The following EDC3 variants were observed in gnomAD, a reference collection of about 807,000 sequenced individuals.
EDC3 encodes the protein enhancer of mRNA-decapping protein 3.
A neutral mutation model predicts 41.8 loss-of-function variants in EDC3; 20 were observed. The observed-to-expected ratio is 0.48, with a 90% confidence interval of 0.34 to 0.70. The LOEUF is 0.70. EDC3 is among the 30% of genes least tolerant of loss of function. The pLI is 0.01. For missense variants in EDC3, 444 were observed against 636.8 expected (o/e 0.70, Z 3.26); for synonymous variants, 206 against 243.2 (o/e 0.85, Z 1.42).
At chr15:74,633,166 A>AG (rs1441273572) in intron 6 of EDC3, among the ~76,000 whole-genome samples, 1 of 152,250 alleles carries the variant, frequency 6.6e-6, no homozygotes, top group Non-Finnish European at 1.5e-5. Context: ...TCAGCCCAGC[A>AG]GACCACTGCC....
chr15:74,683,395 C>T (rs906269453), intron 1 of EDC3, among the ~76,000 whole-genome samples: 4 of 151,614 alleles, frequency 2.6e-5, no homozygotes, highest in Non-Finnish European at 4.4e-5. Flanking sequence ...ATTAGCCCGG[C>T]GTGGTGGCAA....
At chr15:74,692,403 T>C (rs1026556613) in intron 1 of EDC3, among the ~76,000 whole-genome samples, 2 of 152,190 alleles carry the variant, frequency 1.3e-5, no homozygotes, top group East Asian at 1.9e-4. Flanking sequence ...CCCAGGCCCA[T>C]AGGACTTCAC....
intron 6 of EDC3, among the ~76,000 whole-genome samples, chr15:74,633,493 T>C (rs1402906717): frequency 6.6e-6 from 1 of 152,204 alleles, no homozygotes; most frequent in Non-Finnish European, 1.5e-5. Context: ...TCGTACTCAT[T>C]ATCTCACAGG....
At chr15:74,689,251 C>T (rs896577482) in intron 1 of EDC3, among the ~76,000 whole-genome samples, 21 of 152,268 alleles carry the variant, frequency 1.4e-4, no homozygotes, top group African/African-American at 4.8e-4. Flanking sequence ...TACAACCCAC[C>T]ATACGTGAGT....
intron 4 of EDC3, chr15:74,643,199 T>C (rs1218275979): frequency 1.3e-5 from 2 of 152,134 alleles, no homozygotes; most frequent in Admixed American, 1.3e-4. Flanking sequence ...ACCAAGAACA[T>C]AGCGTGTAAA....
intron 4 of EDC3, among the ~76,000 whole-genome samples, chr15:74,649,530 A>G (rs1226081909): frequency 6.6e-6 from 1 of 152,202 alleles, no homozygotes; most frequent in Non-Finnish European, 1.5e-5. Context: ...GGCACATAGT[A>G]GGTATTCTAT....
At chr15:74,670,921 G>T (rs897615733) in intron 3 of EDC3, among the ~76,000 whole-genome samples, 3 of 152,138 alleles carry the variant, frequency 2.0e-5, no homozygotes, top group Non-Finnish European at 4.4e-5. Flanking sequence ...TCTCTTCTGA[G>T]GATGAGACTC....
At chr15:74,694,373 T>C (rs911907459) in intron 1 of EDC3, among the ~76,000 whole-genome samples, 5 of 152,146 alleles carry the variant, frequency 3.3e-5, no homozygotes, top group Non-Finnish European at 4.4e-5. Context: ...CAGTAGCATA[T>C]CTTGGCTCAC....
chr15:74,690,283 G>C (rs1424933334), intron 1 of EDC3, among the ~76,000 whole-genome samples: 1 of 152,146 alleles, frequency 6.6e-6, no homozygotes, highest in African/African-American at 2.4e-5. Context: ...GAACTATCAG[G>C]ATTTCCAGAC....
intron 2 of EDC3, among the ~76,000 whole-genome samples, chr15:74,674,044 C>T (rs1438440993): frequency 6.6e-6 from 1 of 151,782 alleles, no homozygotes; most frequent in Non-Finnish European, 1.5e-5. Context: ...AAAGAAAAAC[C>T]AAAGAGGTGA....
At position 74,640,605 on chromosome 15, in the gene EDC3, C is replaced by A. The variant is rs780668853; in HGVS notation, c.835G>T (p.Val279Phe). The A allele has an allele frequency of 6.2e-7, 1 of 1,614,172 alleles. No homozygotes were observed. The highest frequency in any genetic ancestry group is 1.1e-5 in the South Asian group (1 of 91,084). The change falls in exon 5 of 7, where the codon GTC (valine) becomes TTC (phenylalanine). Residue 279 changes from valine to phenylalanine, a missense_variant. This residue lies in a region of EDC3 where 242 missense variants were observed against 363.8 expected (regional missense o/e 0.67). Transcript: ENST00000315127. ...TGCAGCTCATAGGAAATACTTGGGA[C>A]AACCAGGCCAGAGTCTGCAGTTCAA... Reference protein sequence around the residue: ...KEFCTDSGLVVPSISYELHKK... With the variant: ...KEFCTDSGLVFPSISYELHKK...
At chr15:74,636,739 C>G (rs2062278064) in intron 5 of EDC3, 2 of 152,364 alleles carry the variant, frequency 1.3e-5, no homozygotes, top group South Asian at 4.1e-4. Context: ...GAGAATTTAA[C>G]AATCTACTCT....
intron 1 of EDC3, among the ~76,000 whole-genome samples, chr15:74,676,131 A>G (rs1315130335): frequency 6.6e-6 from 1 of 152,234 alleles, no homozygotes; most frequent in African/African-American, 2.4e-5. Context: ...TTGGAAATTA[A>G]GCAAGACATT....
rs967402650 is a variant in EDC3, at chr15:74,631,213, G to C, written c.*1399C>G. ...TAACAGCCTGAAACCCGTGGTACCA[G>C]GGCCTACCCTATGTCCACAATCCTT... is the stretch of plus-strand genomic sequence containing the variant. On this transcript the variant is annotated 3_prime_UTR_variant, in exon 7 of 7. Transcript: ENST00000315127. 1 of 152,314 alleles carries C rather than the reference G, an allele frequency of 6.6e-6. No homozygotes were observed. 9.4% of individuals were successfully genotyped at this position (152,314 alleles called of 1,614,324 possible).
At chr15:74,644,800 G>A (rs1388422298) in intron 4 of EDC3, 3 of 152,046 alleles carry the variant, frequency 2.0e-5, no homozygotes, top group Non-Finnish European at 4.4e-5. Flanking sequence ...AAGAGGCAAA[G>A]AACTGCTCAA....
intron 1 of EDC3, among the ~76,000 whole-genome samples, chr15:74,689,825 T>A (rs2062985020): frequency 6.6e-6 from 1 of 152,184 alleles, no homozygotes; most frequent in Non-Finnish European, 1.5e-5. Flanking sequence ...CGCCCGGCCC[T>A]GCCTCCATTT....
chr15:74,657,842 A>G (rs2062569162), intron 3 of EDC3, among the ~76,000 whole-genome samples: 1 of 152,214 alleles, frequency 6.6e-6, no homozygotes, highest in African/African-American at 2.4e-5. Context: ...ACCTTTCTTT[A>G]GACCTTTCGG....
chr15:74,655,806 G>A lies in EDC3; in HGVS notation c.747C>T (p.Asn249=). ...AGACAATGGGCTCGGACTCCAAGAT[G>A]TTCTCATCATGGCGGTACCGAGTGG... The part of the protein sequence containing the change: ...ERPTRYRHDE[N]ILESEPIVYR... Residue 249 remains asparagine (N), a synonymous_variant, in exon 4 of 7, where the codon AAC becomes AAT. Coordinates refer to ENST00000315127, the MANE Select transcript of EDC3 (RefSeq NM_025083.5). 2 of 1,614,190 alleles carry A rather than the reference G, an allele frequency of 1.2e-6. No homozygotes were observed. Among genetic ancestry groups the A allele is most frequent in the Non-Finnish European group, 8.5e-7 (1 of 1,180,036 alleles).
intron 3 of EDC3, among the ~76,000 whole-genome samples, chr15:74,670,720 G>A (rs142227489): frequency 2.0e-5 from 3 of 152,290 alleles, no homozygotes; most frequent in Non-Finnish European, 4.4e-5. Flanking sequence ...GTGAGCCACC[G>A]TGCCTGGTCA....
Sources: gnomAD v4.1 joint callset for allele counts (sites outside exome capture counted in the v4.1 genomes callset) on GRCh38, gnomAD v4.1.1 for gene constraint, gnomAD v4.1.1 regional missense constraint, MANE v1.5 for transcripts, NCBI Gene and HGNC (gene_info 2026-07-23, HGNC 2026-07-21) for gene names.